Variants in LPGAT1 observed in about 807,000 individuals in gnomAD.
The protein encoded by LPGAT1 is acyl-CoA:lysophosphatidylglycerol acyltransferase 1.
In LPGAT1, 11 loss-of-function variants were observed where a neutral mutation model predicts 47.5. That is an observed-to-expected ratio of 0.23 (90% CI 0.15 to 0.38). LPGAT1 has a LOEUF of 0.38. LPGAT1 is among the 10% of genes least tolerant of loss of function. LPGAT1 has a pLI of 1.00. For missense variants in LPGAT1, 293 were observed against 439.0 expected, an observed-to-expected ratio of 0.67 and a Z score of 2.97; for synonymous variants, 138 against 144.2, an observed-to-expected ratio of 0.96 and a Z score of 0.31.
Position 211,749,672 on chromosome 1 carries a change from T to A in LPGAT1, c.*227A>T. ...ATGTTTGCTTAAATATGTGATAGAG[T>A]GTATCTTTTTAAAACATGTTCTTAA... On this transcript the variant is annotated 3_prime_UTR_variant, in exon 8 of 8. Transcript: ENST00000366997. 4.3e-6 allele frequency: 2 copies of A among 466,458 alleles called. No individual in the cohort carries two copies. The highest frequency in any genetic ancestry group is 7.5e-6 in the Non-Finnish European group (2 of 265,278). 28.9% of individuals were successfully genotyped at this position (466,458 alleles called of 1,614,324 possible). A position where few individuals can be genotyped will look rare whatever the true frequency, so the allele number is the denominator to read the frequency against.
intron 2 of LPGAT1, among the ~76,000 whole-genome samples, chr1:211,816,759 T>C (rs752421617): frequency 3.9e-4 from 60 of 152,196 alleles, no homozygotes; most frequent in Non-Finnish European, 1.6e-4. Context: ...CCTCCATTTT[T>C]ACAGATGATG....
Position 211,748,759 on chromosome 1 carries a change from A to G in LPGAT1, c.*1140T>C, listed in dbSNP as rs1431636163. On this transcript the variant is annotated 3_prime_UTR_variant, in exon 8 of 8. Coordinates refer to ENST00000366997, the MANE Select transcript of LPGAT1 (RefSeq NM_014873.3). ...ATGTGCTGGTATCGTTCCTAATTAC[A>G]CTCACCCTGACAGGGGCAGCTCCTT... The G allele has an allele frequency of 6.6e-6, 1 of 152,364 alleles. No individual in the cohort carries two copies. The highest frequency in any genetic ancestry group is 2.4e-5 in the African/African-American group (1 of 41,330). The allele number at this position is 152,364 out of a possible 1,614,324, so 9.4% of individuals were successfully genotyped here.
intron 2 of LPGAT1, among the ~76,000 whole-genome samples, chr1:211,819,601 G>A (rs1660295588): frequency 6.6e-6 from 1 of 152,186 alleles, no homozygotes; most frequent in Non-Finnish European, 1.5e-5. Context: ...CTGGGGTGGA[G>A]AGCAGCTTAT....
rs371926873 is a variant in LPGAT1 at position 211,780,413 on chromosome 1, T to A, written c.728-1369A>T. On this transcript the variant is annotated intron_variant, in intron 5 of 7. Coordinates refer to ENST00000366997, the MANE Select transcript of LPGAT1 (RefSeq NM_014873.3). ...TGAGCGAGAACTGAGAGGGGAAACATCACAGAGGATACTGATGGCCAGACT... is the reference window on the plus strand; with the variant it reads ...TGAGCGAGAACTGAGAGGGGAAACAACACAGAGGATACTGATGGCCAGACT... Among the ~76,000 whole-genome samples the A allele has an allele frequency of 1.3e-3, 196 of 152,252 alleles. 2 individuals are homozygous for A. Among genetic ancestry groups the A allele is most frequent in the South Asian group, 8.9e-3 (43 of 4,828 alleles).
At chr1:211,811,992 T>C (rs1660006945) in intron 2 of LPGAT1, among the ~76,000 whole-genome samples, 1 of 152,262 alleles carries the variant, frequency 6.6e-6, no homozygotes, top group Non-Finnish European at 1.5e-5. Flanking sequence ...ACTCACATTG[T>C]GCACATTACC....
chr1:211,801,340 T>G (rs1441030384), intron 2 of LPGAT1, among the ~76,000 whole-genome samples: 1 of 152,190 alleles, frequency 6.6e-6, no homozygotes, highest in African/African-American at 2.4e-5. Context: ...CTAGTCACTT[T>G]CCTACAATTT....
chr1:211,792,097 C>T (rs1332330460), intron 3 of LPGAT1: 3 of 151,576 alleles, frequency 2.0e-5, no homozygotes, highest in Non-Finnish European at 4.4e-5. Flanking sequence ...AATATTCCCC[C>T]AATCTTTTGT....
In LPGAT1 at chr1:211,749,176, A is replaced by ATT. The variant is rs1396695383; in HGVS notation, c.*721_*722dup. The ATT allele has an allele frequency of 6.5e-6, 1 of 152,696 alleles. No homozygotes were observed. Among genetic ancestry groups the ATT allele is most frequent in the African/African-American group, 2.4e-5 (1 of 41,454 alleles). The allele number at this position is 152,696 out of a possible 1,614,324, so 9.5% of individuals were successfully genotyped here. On this transcript the variant is annotated 3_prime_UTR_variant, in exon 8 of 8. Transcript: ENST00000366997. Reference sequence around the variant, plus strand: ...CTATATCTGCATCTCAAAAAAGTGCATTTTGCAAAATTATCAATTTATGAT... The same window carrying ATT: ...CTATATCTGCATCTCAAAAAAGTGCATTTTTTGCAAAATTATCAATTTATGAT...
chr1:211,767,309 T>C (rs1657959796), intron 6 of LPGAT1, among the ~76,000 whole-genome samples: 1 of 152,156 alleles, frequency 6.6e-6, no homozygotes, highest in Non-Finnish European at 1.5e-5. Context: ...CAGCTAATTT[T>C]TTTTTTAGTA....
chr1:211,821,133 G>A (rs747625067), intron 2 of LPGAT1, among the ~76,000 whole-genome samples: 6 of 152,204 alleles, frequency 3.9e-5, no homozygotes, highest in Non-Finnish European at 8.8e-5. Context: ...GTGCATGCCT[G>A]TAATCCCAGC....
intron 2 of LPGAT1, among the ~76,000 whole-genome samples, chr1:211,819,898 C>T (rs1000456679): frequency 1.3e-5 from 2 of 151,928 alleles, no homozygotes; most frequent in Non-Finnish European, 2.9e-5. Flanking sequence ...GGCAGAGAAT[C>T]GCTTGAACCC....
chr1:211,807,933 AT>A (rs955484111), intron 2 of LPGAT1, among the ~76,000 whole-genome samples: 7 of 152,292 alleles, frequency 4.6e-5, no homozygotes, highest in Non-Finnish European at 8.8e-5. Context: ...GGGCTGCCCA[AT>A]TTTTTTAAAA....
chr1:211,798,031 A>T (rs1261777806), intron 2 of LPGAT1, among the ~76,000 whole-genome samples: 1 of 152,200 alleles, frequency 6.6e-6, no homozygotes, highest in Non-Finnish European at 1.5e-5. Flanking sequence ...ATTAGAATTA[A>T]TCTGGACAGT....
At chr1:211,827,126 C>A (rs1272942016) in intron 2 of LPGAT1, among the ~76,000 whole-genome samples, 5 of 152,088 alleles carry the variant, frequency 3.3e-5, no homozygotes, top group Non-Finnish European at 7.4e-5. Flanking sequence ...AAGTATTCTA[C>A]CTATAGGAAA....
chr1:211,783,092 T>C (rs370610095), intron 5 of LPGAT1, 137 bp downstream of exon 5: 2 of 804,402 alleles, frequency 2.5e-6, no homozygotes, highest in Non-Finnish European at 3.6e-6. Flanking sequence ...GAAACTTTTT[T>C]AAAAAATTAC....
At chr1:211,781,392 A>G (rs1182661596) in intron 5 of LPGAT1, among the ~76,000 whole-genome samples, 1 of 152,226 alleles carries the variant, frequency 6.6e-6, no homozygotes, top group Non-Finnish European at 1.5e-5. Context: ...TAGTGCAACT[A>G]ATCCTGTTTG....
intron 5 of LPGAT1, among the ~76,000 whole-genome samples, chr1:211,782,194 TA>T (rs1349672815): frequency 1.3e-5 from 2 of 152,238 alleles, no homozygotes; most frequent in Non-Finnish European, 2.9e-5. Flanking sequence ...ACATCATTTG[TA>T]ACAGCTGTGT....
chr1:211,828,372 C>T (rs944229595), intron 2 of LPGAT1, among the ~76,000 whole-genome samples: 4 of 152,206 alleles, frequency 2.6e-5, no homozygotes, highest in African/African-American at 9.7e-5. Context: ...AAACACTTCT[C>T]ATTTAGTTCT....
intron 2 of LPGAT1, among the ~76,000 whole-genome samples, chr1:211,817,018 T>C (rs906114988): frequency 2.0e-5 from 3 of 152,208 alleles, no homozygotes; most frequent in African/African-American, 7.2e-5. Context: ...CAGAGTCTCA[T>C]ATACAAAAAC....
Sources: allele counts gnomAD v4.1 joint callset (sites outside exome capture counted in the v4.1 genomes callset), GRCh38; gene constraint gnomAD v4.1.1; transcripts MANE v1.5; gene names NCBI Gene and HGNC (gene_info 2026-07-23, HGNC 2026-07-21).